The following DMD variants were observed in gnomAD, a reference collection of about 807,000 sequenced individuals.
The protein encoded by DMD is dystrophin.
In DMD, 63 loss-of-function variants were observed where a neutral mutation model predicts 330.1. The observed-to-expected ratio is 0.19, with a 90% CI of 0.16 to 0.24. DMD has a LOEUF of 0.24. DMD is among the 10% of genes least tolerant of loss of function. DMD has a pLI of 1.00. For synonymous variants in DMD, 1,223 were observed against 959.8 expected (o/e 1.27, Z -5.07); for missense variants, 3,344 against 2,684.1 (o/e 1.25, Z -5.43).
chrX:32,252,599 T>TATATATATATATAA (rs1557242667), intron 43 of DMD, among the ~76,000 whole-genome samples: 1 of 74,116 alleles, frequency 1.3e-5, no homozygotes, highest in Admixed American at 2.1e-4. Context: ...TATATATATA[T>TATATATATATATAA]AAACATATAT....
intron 44 of DMD, among the ~76,000 whole-genome samples, chrX:31,991,915 C>G (rs188618796): frequency 8.9e-6 from 1 of 111,843 alleles, no homozygotes; most frequent in East Asian, 2.8e-4. Flanking sequence ...AAGCACTGTT[C>G]CATGTTCTAA....
chrX:32,061,691 T>G (rs923119758), intron 44 of DMD, among the ~76,000 whole-genome samples: 1 of 111,340 alleles, frequency 9.0e-6, no homozygotes, highest in Non-Finnish European at 1.9e-5. Flanking sequence ...CTGGGGTCAT[T>G]TCCATCATTC....
chrX:32,532,148 GT>G (rs2047541301), intron 17 of DMD, among the ~76,000 whole-genome samples: 1 of 111,232 alleles, frequency 9.0e-6, no homozygotes, highest in South Asian at 3.7e-4. Context: ...GGAAAAAAAA[GT>G]TCAATTATAT....
intron 1 of DMD, among the ~76,000 whole-genome samples, chrX:33,239,886 A>G (rs1242700801): frequency 8.9e-6 from 1 of 111,854 alleles, no homozygotes; most frequent in Non-Finnish European, 1.9e-5. Context: ...AAAATTGGAC[A>G]TATAAGTATT....
intron 2 of DMD, among the ~76,000 whole-genome samples, chrX:32,869,852 T>C (rs2082808364): frequency 9.5e-6 from 1 of 105,078 alleles, no homozygotes; most frequent in Non-Finnish European, 1.9e-5. Context: ...TCATACTAGA[T>C]GGGCAAAAAC....
intron 50 of DMD, among the ~76,000 whole-genome samples, chrX:31,793,538 T>A (rs138763255): frequency 0.03 from 3,406 of 111,947 alleles, 55 homozygotes; most frequent in Middle Eastern, 0.087. Flanking sequence ...CCTAACCTAC[T>A]GAACATCATT....
At chrX:33,027,604 G>A (rs2094027686) in intron 1 of DMD, among the ~76,000 whole-genome samples, 1 of 112,610 alleles carries the variant, frequency 8.9e-6, no homozygotes, top group Non-Finnish European at 1.9e-5. Context: ...AAAAACAACT[G>A]TGAGAAAGGC....
chrX:32,760,511 T>C lies in DMD; in HGVS notation c.649+48982A>G, dbSNP rs961553574. 2.7e-5 allele frequency among the ~76,000 whole-genome samples: 3 copies of C among 111,712 alleles called. No homozygotes were observed. The Admixed American group carries it at 2.9e-4, about 11-fold the overall frequency. ...AGAATTTAAAGGAACTGTATCTCTCTCCCATTCTACTGTATGTCCCTTGAG... is the reference window on the plus strand; with the variant it reads ...AGAATTTAAAGGAACTGTATCTCTCCCCCATTCTACTGTATGTCCCTTGAG... On this transcript the variant is annotated intron_variant, in intron 7 of 78. Transcript: ENST00000357033.
chrX:32,729,016 G>A (rs1308668532), intron 7 of DMD, among the ~76,000 whole-genome samples: 1 of 112,095 alleles, frequency 8.9e-6, no homozygotes. Flanking sequence ...GAAGTCAGCA[G>A]ATACTTTTTT....
At chrX:31,805,234 CCTAA>C (rs771615876) in intron 50 of DMD, among the ~76,000 whole-genome samples, 4 of 111,723 alleles carry the variant, frequency 3.6e-5, no homozygotes, top group Non-Finnish European at 7.5e-5. Context: ...TTTAACTCTT[CCTAA>C]CTAATTCATT....
intron 7 of DMD, among the ~76,000 whole-genome samples, chrX:32,784,545 C>CA (rs1415787135): frequency 9.0e-6 from 1 of 111,715 alleles, no homozygotes; most frequent in African/African-American, 3.2e-5. Context: ...AAACCTTACT[C>CA]AAAATAGTGG....
chrX:31,662,088 G>C (rs1205068114), intron 53 of DMD, among the ~76,000 whole-genome samples: 1 of 111,932 alleles, frequency 8.9e-6, no homozygotes, highest in East Asian at 2.8e-4. Context: ...AGCCTGCTGG[G>C]TTTGAATCCT....
chrX:32,464,646 C>G lies in DMD; in HGVS notation c.3216G>C (p.Lys1072Asn). The G allele has an allele frequency of 8.3e-7, 1 of 1,211,054 alleles. No individual in the cohort carries two copies. The change falls in exon 24 of 79, where the codon AAG becomes AAC. Residue 1072 changes from lysine (K) to asparagine (N), a missense_variant. Transcript: ENST00000357033. The part of the protein sequence containing the change: ...KWMAEVDVFL[K>N]EEWPALGDSE... Reference sequence around the variant, plus strand: ...AATCCCCAAGGGCAGGCCATTCCTCCTTCAGAAAAACATCAACTTCAGCCA... The same window carrying G: ...AATCCCCAAGGGCAGGCCATTCCTCGTTCAGAAAAACATCAACTTCAGCCA...
At chrX:31,630,432 G>A (rs1319326473) in intron 54 of DMD, among the ~76,000 whole-genome samples, 2 of 111,494 alleles carry the variant, frequency 1.8e-5, no homozygotes, top group Non-Finnish European at 3.8e-5. Flanking sequence ...TTGAATAATA[G>A]GTAAGACTGT....
chrX:33,297,060 A>T (rs1432793862), intron 1 of DMD, among the ~76,000 whole-genome samples: 2 of 111,210 alleles, frequency 1.8e-5, no homozygotes, highest in African/African-American at 6.5e-5. Flanking sequence ...GGTGGGATAC[A>T]CTAATACCTA....
intron 1 of DMD, among the ~76,000 whole-genome samples, chrX:33,264,167 C>T (rs759841193): frequency 3.6e-5 from 4 of 111,236 alleles, no homozygotes; most frequent in Admixed American, 2.9e-4. Flanking sequence ...AATATACACG[C>T]CTTTTCTAAA....
At chrX:31,723,446 C>T (rs1213104708) in intron 52 of DMD, among the ~76,000 whole-genome samples, 3 of 111,133 alleles carry the variant, frequency 2.7e-5, no homozygotes, top group Admixed American at 9.6e-5. Context: ...TAGAGGCAGG[C>T]CTTCTCTTAG....
At chrX:33,337,932 A>G (rs981905225) in intron 1 of DMD, among the ~76,000 whole-genome samples, 4 of 111,752 alleles carry the variant, frequency 3.6e-5, no homozygotes, top group Non-Finnish European at 7.5e-5. Flanking sequence ...TGTACACTGA[A>G]AGGTCATATT....
At chrX:32,105,055 T>G (rs2096558077) in intron 44 of DMD, among the ~76,000 whole-genome samples, 1 of 112,167 alleles carries the variant, frequency 8.9e-6, no homozygotes, top group Non-Finnish European at 1.9e-5. Flanking sequence ...GGTTTTCCTC[T>G]ATTTGAATGT....
Sources: gnomAD v4.1 joint callset for allele counts (sites outside exome capture counted in the v4.1 genomes callset) on GRCh38, gnomAD v4.1.1 for gene constraint, MANE v1.5 for transcripts, NCBI Gene and HGNC (gene_info 2026-07-23, HGNC 2026-07-21) for gene names.